Variants in CDKL5 observed in about 807,000 individuals in gnomAD.
The protein encoded by CDKL5 is cyclin dependent kinase like 5.
In CDKL5, 8 loss-of-function variants were observed where a neutral mutation model predicts 61.7. That is an observed-to-expected ratio of 0.13 (90% CI 0.08 to 0.23). CDKL5 has a LOEUF of 0.23. Among genes scored for constraint, CDKL5 ranks in the 10% least tolerant of loss-of-function variants. The pLI is 1.00. For synonymous variants in CDKL5, 275 were observed against 272.3 expected, an observed-to-expected ratio of 1.01 and a Z score of -0.10; for missense variants, 440 against 734.5, an observed-to-expected ratio of 0.60 and a Z score of 4.63.
At position 18,597,583 on chromosome X, in the gene CDKL5, A is replaced by T. The variant is rs1436619750; in HGVS notation, c.826-879A>T. Among the ~76,000 whole-genome samples the T allele has an allele frequency of 8.4e-5, 9 of 107,298 alleles. No homozygotes were observed. The South Asian group carries it at 2.9e-3, about 35-fold the overall frequency. The allele number at this position is 107,298 out of a possible 115,157, so 93.2% of individuals were successfully genotyped here. On this transcript the variant is annotated intron_variant, in intron 10 of 17. Coordinates refer to ENST00000623535, the MANE Select transcript of CDKL5 (RefSeq NM_001323289.2). Reference sequence around the variant, plus strand: ...ATTAGAGTTGAGGCTCTTTGCTGCTACAGAATGATTTTTTTTTTTTTTTTT... The same window carrying T: ...ATTAGAGTTGAGGCTCTTTGCTGCTTCAGAATGATTTTTTTTTTTTTTTTT...
At chrX:18,594,433 A>G (rs190851141) in intron 9 of CDKL5, among the ~76,000 whole-genome samples, 88 of 112,391 alleles carry the variant, frequency 7.8e-4, no homozygotes, top group African/African-American at 2.2e-3. Context: ...TTCCAACTTT[A>G]AAAAAGGAAG....
chrX:18,606,174 T>TCACACACA (rs528800542), intron 12 of CDKL5, among the ~76,000 whole-genome samples: 59 of 96,896 alleles, frequency 6.1e-4, no homozygotes, highest in African/African-American at 1.6e-3. Context: ...AGCAAGACTG[T>TCACACACA]CACACACACA....
chrX:18,438,375 A>G (rs934989758), intron 1 of CDKL5, among the ~76,000 whole-genome samples: 6 of 110,230 alleles, frequency 5.4e-5, no homozygotes, highest in African/African-American at 2.0e-4. Flanking sequence ...GAAGAGGTAC[A>G]CTCAACAGGC....
intron 15 of CDKL5, among the ~76,000 whole-genome samples, chrX:18,618,333 A>C (rs1332284755): frequency 8.9e-6 from 1 of 111,879 alleles, no homozygotes; most frequent in Non-Finnish European, 1.9e-5. Context: ...TAGCTTTTTC[A>C]TAAACGTATA....
intron 3 of CDKL5, among the ~76,000 whole-genome samples, chrX:18,526,211 T>C (rs1198186778): frequency 1.8e-5 from 2 of 112,519 alleles, no homozygotes; most frequent in East Asian, 5.5e-4. Flanking sequence ...ATAAATTGTA[T>C]TGTGTTTTCA....
intron 1 of CDKL5, among the ~76,000 whole-genome samples, chrX:18,452,090 G>T (rs895760892): frequency 2.7e-5 from 3 of 111,893 alleles, no homozygotes; most frequent in Middle Eastern, 4.6e-3. Flanking sequence ...GGCTCAATTT[G>T]TTGCACTCTA....
intron 3 of CDKL5, among the ~76,000 whole-genome samples, chrX:18,531,914 G>A (rs1923660118): frequency 1.9e-5 from 2 of 107,466 alleles, no homozygotes; most frequent in South Asian, 8.4e-4. Flanking sequence ...CACCTTGTTA[G>A]CCAGGATGGT....
chrX:18,473,433 G>C lies in CDKL5; in HGVS notation c.-162-33502G>C, dbSNP rs189218545. Among the ~76,000 whole-genome samples the C allele has an allele frequency of 4.1e-3, 453 of 110,428 alleles. 3 individuals carry two copies. Among genetic ancestry groups the C allele is most frequent in the Admixed American group, 6.1e-3 (62 of 10,237 alleles). ...TTTTCCAGTAGGTGCTCGTCACCCA[G>C]GTAAACACTACATTTTCCAGTCTCC... is the stretch of plus-strand genomic sequence containing the variant. On this transcript the variant is annotated intron_variant, in intron 1 of 17. Transcript: ENST00000623535.
chrX:18,445,627 G>A (rs901968971), intron 1 of CDKL5, among the ~76,000 whole-genome samples: 2 of 110,930 alleles, frequency 1.8e-5, no homozygotes, highest in East Asian at 2.9e-4. Context: ...GATCATGGGG[G>A]CGGTTTCCCC....
chrX:18,652,466 C>G (rs764738253), intron 21 of CDKL5, among the ~76,000 whole-genome samples: 19 of 111,726 alleles, frequency 1.7e-4, no homozygotes, highest in East Asian at 5.6e-4. Context: ...GTCAGGAGTT[C>G]GAGACCAGCC....
chrX:18,535,821 T>C (rs1639484972), intron 3 of CDKL5: 1 of 113,032 alleles, frequency 8.8e-6, no homozygotes, highest in Admixed American at 9.5e-5. Flanking sequence ...GCCTGCAGAG[T>C]CCCTCCAATG....
At chrX:18,425,781 G>T (rs1438264184) in intron 1 of CDKL5, 86 bp downstream of exon 1, 2 of 111,799 alleles carry the variant, frequency 1.8e-5, no homozygotes, top group Non-Finnish European at 3.8e-5. Context: ...TGAGAGTGGA[G>T]ACCCACCCAG....
At chrX:18,497,057 A>G (rs1922200587) in intron 1 of CDKL5, among the ~76,000 whole-genome samples, 1 of 107,143 alleles carries the variant, frequency 9.3e-6, no homozygotes, top group Non-Finnish European at 1.9e-5. Context: ...CAGTGGCGCT[A>G]TCTCGGCTTA....
chrX:18,634,425 G>T lies in CDKL5; in HGVS notation c.*5668G>T. On this transcript the variant is annotated 3_prime_UTR_variant, in exon 18 of 18. Coordinates refer to ENST00000623535, the MANE Select transcript of CDKL5 (RefSeq NM_001323289.2). ...TTGTCCCTGTTGTGGGGACTAAAGT[G>T]TTTTTTGCCAGAATTGTCAAAAGCT... 1 of 754,353 alleles carries T rather than the reference G, an allele frequency of 1.3e-6. No homozygotes were observed. The highest frequency in any genetic ancestry group is 1.6e-6 in the Non-Finnish European group (1 of 639,374). The allele number at this position is 754,353 out of a possible 1,213,427, so 62.2% of individuals were successfully genotyped here. A position where few individuals can be genotyped will look rare whatever the true frequency, so the allele number is the denominator to read the frequency against.
intron 3 of CDKL5, among the ~76,000 whole-genome samples, chrX:18,554,618 G>T (rs1325058505): frequency 1.8e-5 from 2 of 109,915 alleles, no homozygotes; most frequent in Non-Finnish European, 3.8e-5. Flanking sequence ...GTTTTGCCAT[G>T]TTGGCCAGGC....
rs772540727 is a variant in CDKL5, at chrX:18,632,561, G to A, written c.*3804G>A. 1.5e-4 allele frequency: 112 copies of A among 752,443 alleles called. No individual in the cohort carries two copies. In the African/African-American group the frequency reaches 2.4e-3, roughly 16 times the overall value. 62.0% of individuals were successfully genotyped at this position (752,443 alleles called of 1,213,427 possible). A position where few individuals can be genotyped will look rare whatever the true frequency, so the allele number is the denominator to read the frequency against. The stretch of plus-strand genomic sequence containing the variant: ...AGACCAATTAGAAGCAAAAAAGTCC[G>A]TATTGGTGGTTGTGATGTGGCTGTT... On this transcript the variant is annotated 3_prime_UTR_variant, in exon 18 of 18. Transcript: ENST00000623535.
rs1263410644 is a variant in CDKL5 at position 18,585,978 on chromosome X, G to T, written c.554+1625G>T. Among the ~76,000 whole-genome samples, 5 of 111,413 alleles carry T rather than the reference G, an allele frequency of 4.5e-5. No individual in the cohort carries two copies. In the East Asian group the frequency reaches 1.4e-3, roughly 31 times the overall value. On this transcript the variant is annotated intron_variant, in intron 8 of 17. Coordinates refer to ENST00000623535, the MANE Select transcript of CDKL5 (RefSeq NM_001323289.2). Reference sequence around the variant, plus strand: ...AAGTTACTCACTGAGGGTTTATTTTGATATTAACTACTTATTTTCCAGTGT... The same window carrying T: ...AAGTTACTCACTGAGGGTTTATTTTTATATTAACTACTTATTTTCCAGTGT...
At chrX:18,548,151 TAAGGG>T (rs1396915918) in intron 3 of CDKL5, among the ~76,000 whole-genome samples, 4 of 107,861 alleles carry the variant, frequency 3.7e-5, no homozygotes, top group Non-Finnish European at 7.7e-5. Flanking sequence ...TTTTTTTAAA[TAAGGG>T]AAGGAATGTG....
chrX:18,527,774 C>T (rs762862227), intron 3 of CDKL5, among the ~76,000 whole-genome samples: 147 of 111,183 alleles, frequency 1.3e-3, no homozygotes, highest in African/African-American at 4.6e-3. Context: ...GCCCTTCTTT[C>T]TTTTCTTTCC....
Sources: allele counts gnomAD v4.1 joint callset (sites outside exome capture counted in the v4.1 genomes callset), GRCh38; gene constraint gnomAD v4.1.1; transcripts MANE v1.5; gene names NCBI Gene and HGNC (gene_info 2026-07-23, HGNC 2026-07-21).